Variants in VPS13B observed in about 807,000 individuals in gnomAD.
VPS13B encodes vacuolar protein sorting 13 homolog B, also known as intermembrane lipid transfer protein VPS13B.
In VPS13B, 285 loss-of-function variants were observed where a neutral mutation model predicts 426.4. The ratio of observed to expected loss-of-function variants is 0.67; its 90% CI spans 0.61 to 0.74. The LOEUF (loss-of-function observed/expected upper bound fraction) is 0.74, where lower values mean the gene tolerates loss of function less well. VPS13B is among the 30% of genes least tolerant of loss of function. VPS13B has a pLI of 0.00. For synonymous variants in VPS13B, 1,676 were observed against 1,676.4 expected (o/e 1.00, Z 0.01); for missense variants, 4,537 against 4,782.6 (o/e 0.95, Z 1.51).
At chr8:99,679,231 CAT>C (rs1453099759) in intron 35 of VPS13B, among the ~76,000 whole-genome samples, 2 of 152,076 alleles carry the variant, frequency 1.3e-5, no homozygotes, top group Non-Finnish European at 2.9e-5. Context: ...TTCTAAAAAT[CAT>C]GTGTGTCATC....
At chr8:99,472,397 A>G (rs1819460789) in intron 24 of VPS13B, among the ~76,000 whole-genome samples, 1 of 152,026 alleles carries the variant, frequency 6.6e-6, no homozygotes, top group South Asian at 2.1e-4. Flanking sequence ...GAAATTAATA[A>G]TAATAAAATA....
intron 58 of VPS13B, 152 bp downstream of exon 58, chr8:99,862,098 C>A: frequency 1.1e-6 from 1 of 894,974 alleles, no homozygotes; most frequent in Non-Finnish European, 1.7e-6. Flanking sequence ...CAGTGCGTCC[C>A]GCCGGGGGCT....
intron 17 of VPS13B, chr8:99,234,055 G>T: frequency 1.3e-6 from 1 of 775,870 alleles, no homozygotes; most frequent in South Asian, 1.4e-5. Flanking sequence ...GATCCGCAGC[G>T]GGAAATCAGT....
chr8:99,726,375 T>C (rs1833351440), intron 39 of VPS13B, among the ~76,000 whole-genome samples: 1 of 152,156 alleles, frequency 6.6e-6, no homozygotes, highest in African/African-American at 2.4e-5. Flanking sequence ...ATAAAAGAAA[T>C]TTCTGGCACT....
At chr8:99,549,775 G>A (rs1165242317) in intron 30 of VPS13B, among the ~76,000 whole-genome samples, 1 of 152,076 alleles carries the variant, frequency 6.6e-6, no homozygotes, top group Admixed American at 6.6e-5. Flanking sequence ...CAGGCCCGCT[G>A]TTCAGAGCCT....
intron 17 of VPS13B, among the ~76,000 whole-genome samples, chr8:99,260,400 A>G (rs1031969982): frequency 3.3e-5 from 5 of 152,054 alleles, no homozygotes; most frequent in Non-Finnish European, 7.4e-5. Context: ...AAGTAGACAC[A>G]TTGTGGTGAA....
intron 17 of VPS13B, among the ~76,000 whole-genome samples, chr8:99,206,730 G>C (rs1407784997): frequency 6.6e-6 from 1 of 152,090 alleles, no homozygotes; most frequent in Non-Finnish European, 1.5e-5. Context: ...ATTCTTCCCA[G>C]GTGTGCATAT....
intron 3 of VPS13B, among the ~76,000 whole-genome samples, chr8:99,090,355 C>A (rs1846075998): frequency 6.6e-6 from 1 of 151,168 alleles, no homozygotes; most frequent in African/African-American, 2.4e-5. Context: ...GCAACCTCTA[C>A]TTCCCTGGTT....
chr8:99,057,039 A>C (rs1843914469), intron 3 of VPS13B, among the ~76,000 whole-genome samples: 1 of 152,054 alleles, frequency 6.6e-6, no homozygotes, highest in Non-Finnish European at 1.5e-5. Flanking sequence ...TAAGTTATAG[A>C]AATGCAATTT....
intron 17 of VPS13B, among the ~76,000 whole-genome samples, chr8:99,250,310 G>A (rs1220466578): frequency 6.6e-6 from 1 of 151,992 alleles, no homozygotes; most frequent in Non-Finnish European, 1.5e-5. Flanking sequence ...TCTTTTCTCA[G>A]TCTGTAGCTT....
At chr8:99,690,175 AC>A (rs1205771457) in intron 35 of VPS13B, among the ~76,000 whole-genome samples, 2 of 152,160 alleles carry the variant, frequency 1.3e-5, no homozygotes, top group African/African-American at 4.8e-5. Context: ...CTCTTCCAGT[AC>A]CCCAAATTCT....
chr8:99,792,409 GTAATT>G (rs1812586618), intron 43 of VPS13B, among the ~76,000 whole-genome samples: 1 of 151,416 alleles, frequency 6.6e-6, no homozygotes, highest in African/African-American at 2.4e-5. Context: ...TTTTACAGAT[GTAATT>G]AAGGTCCTAA....
At chr8:99,861,199 A>C (rs927529198) in intron 57 of VPS13B, among the ~76,000 whole-genome samples, 1 of 152,244 alleles carries the variant, frequency 6.6e-6, no homozygotes, top group Non-Finnish European at 1.5e-5. Flanking sequence ...GTTTCATATG[A>C]AACTCTAGGC....
chr8:99,773,151 G>A (rs1056531112), intron 40 of VPS13B, among the ~76,000 whole-genome samples: 17 of 152,004 alleles, frequency 1.1e-4, no homozygotes, highest in African/African-American at 4.1e-4. Context: ...ACTTGAAAAA[G>A]GTAGGTCTAA....
At position 99,693,732 on chromosome 8, in the gene VPS13B, A is replaced by G. The variant is rs1391128624; in HGVS notation, c.6047-5793A>G. On this transcript the variant is annotated intron_variant, in intron 35 of 61. Transcript: ENST00000357162. ...AGGAGAAGGAAATAAAAGGTATTCA[A>G]TTAGGAAAAGAGGAAGTCAAATTGT... Among the ~76,000 whole-genome samples the G allele has an allele frequency of 7.8e-5, 11 of 141,426 alleles. 1 individual carries two copies. Among genetic ancestry groups the G allele is most frequent in the African/African-American group, 2.9e-4 (11 of 37,642 alleles). 92.8% of individuals were successfully genotyped at this position (141,426 alleles called of 152,430 possible). A position where few individuals can be genotyped will look rare whatever the true frequency, so the allele number is the denominator to read the frequency against.
chr8:99,032,668 T>G (rs1035730760), intron 2 of VPS13B, among the ~76,000 whole-genome samples: 2 of 150,884 alleles, frequency 1.3e-5, no homozygotes, highest in Non-Finnish European at 3.0e-5. Flanking sequence ...TAGCTGGAAC[T>G]ATAGGTGCTC....
intron 21 of VPS13B, chr8:99,424,397 T>A (rs1816567109): frequency 6.6e-6 from 1 of 152,168 alleles, no homozygotes; most frequent in African/African-American, 2.4e-5. Context: ...AACCCAGGAT[T>A]AAGAAACTCA....
chr8:99,866,420 C>T (rs1006904658), intron 58 of VPS13B, among the ~76,000 whole-genome samples: 1 of 152,222 alleles, frequency 6.6e-6, no homozygotes, highest in Non-Finnish European at 1.5e-5. Flanking sequence ...GACAGGCCAG[C>T]TTTCCCCCTC....
chr8:99,069,149 C>T (rs1366204191), intron 3 of VPS13B, among the ~76,000 whole-genome samples: 1 of 152,000 alleles, frequency 6.6e-6, no homozygotes, highest in Non-Finnish European at 1.5e-5. Context: ...TAAATGGAGT[C>T]AGGCTGGGTA....
Sources: allele counts gnomAD v4.1 joint callset (sites outside exome capture counted in the v4.1 genomes callset), GRCh38; gene constraint gnomAD v4.1.1; transcripts MANE v1.5; gene names NCBI Gene and HGNC (gene_info 2026-07-23, HGNC 2026-07-21).